RALGAPA1: variants seen among roughly 807,000 people sequenced by gnomAD.
RALGAPA1 encodes the protein ral GTPase-activating protein subunit alpha-1.
A neutral mutation model predicts 269.6 loss-of-function variants in RALGAPA1; 52 were observed. The ratio of observed to expected loss-of-function variants is 0.19; its 90% CI spans 0.15 to 0.24. The LOEUF (loss-of-function observed/expected upper bound fraction) is 0.24. Among genes scored for constraint, RALGAPA1 ranks in the 10% least tolerant of loss-of-function variants. RALGAPA1 has a pLI of 1.00. For missense variants in RALGAPA1, 1,917 were observed against 3,013.9 expected (o/e 0.64, Z 8.52); for synonymous variants, 817 against 1,008.3 (o/e 0.81, Z 3.60).
At chr14:35,639,167 T>C (rs2061849001) in intron 31 of RALGAPA1, among the ~76,000 whole-genome samples, 3 of 151,970 alleles carry the variant, frequency 2.0e-5, no homozygotes, top group African/African-American at 4.8e-5. Flanking sequence ...TCAGACAAAA[T>C]AGATTTCAAG....
rs117966247 is a variant in RALGAPA1, at chr14:35,712,524, T to C, written c.2266+9164A>G. ...TTAAATTTGTTATATTTATTATTTT[T>C]CTTAGACTGGAACTTGCTCTGTCAC... On this transcript the variant is annotated intron_variant, in intron 16 of 41. Transcript: ENST00000680220. Among the ~76,000 whole-genome samples the C allele has an allele frequency of 5.3e-5, 8 of 152,346 alleles. No homozygotes were observed. The East Asian group carries it at 1.5e-3, about 29-fold the overall frequency.
chr14:35,607,208 GAT>G (rs1277140193), intron 35 of RALGAPA1, among the ~76,000 whole-genome samples: 4 of 152,214 alleles, frequency 2.6e-5, no homozygotes, highest in Non-Finnish European at 4.4e-5. Context: ...CAGAGCTTTT[GAT>G]ATATGAATTA....
chr14:35,748,361 A>C, intron 10 of RALGAPA1: 6 of 318,352 alleles, frequency 1.9e-5, no homozygotes, highest in East Asian at 5.3e-5. Flanking sequence ...AATAATCAGT[A>C]ATTTCTCTCT....
At chr14:35,804,654 A>C (rs752605822) in intron 1 of RALGAPA1, among the ~76,000 whole-genome samples, 1 of 151,582 alleles carries the variant, frequency 6.6e-6, no homozygotes, top group African/African-American at 2.4e-5. Context: ...ATTAACAGTT[A>C]GGTACAGTGG....
intron 16 of RALGAPA1, among the ~76,000 whole-genome samples, chr14:35,706,026 A>G (rs902169089): frequency 2.0e-5 from 3 of 152,132 alleles, no homozygotes; most frequent in South Asian, 2.1e-4. Context: ...AGCTCTTTGT[A>G]TATTTTAGAA....
chr14:35,641,761 A>G (rs2062044209), intron 31 of RALGAPA1, among the ~76,000 whole-genome samples: 1 of 152,216 alleles, frequency 6.6e-6, no homozygotes, highest in Non-Finnish European at 1.5e-5. Context: ...TAAAATTTAT[A>G]TGCAACAATA....
At chr14:35,654,706 T>C (rs998823422) in intron 29 of RALGAPA1, among the ~76,000 whole-genome samples, 1 of 152,242 alleles carries the variant, frequency 6.6e-6, no homozygotes, top group African/African-American at 2.4e-5. Context: ...ATTAAAGTTT[T>C]GTTGCATTTT....
chr14:35,808,312 T>C (rs1162078815), intron 1 of RALGAPA1, among the ~76,000 whole-genome samples: 2 of 152,174 alleles, frequency 1.3e-5, no homozygotes, highest in Admixed American at 1.3e-4. Flanking sequence ...CTTGTCTTCA[T>C]CTGCCAAGAA....
chr14:35,569,684 C>T (rs1566707571), intron 39 of RALGAPA1, among the ~76,000 whole-genome samples: 1 of 152,066 alleles, frequency 6.6e-6, no homozygotes, highest in Non-Finnish European at 1.5e-5. Context: ...TTGGCTCTTC[C>T]ACCTGATTAA....
chr14:35,629,848 T>A (rs2061240365), intron 33 of RALGAPA1, among the ~76,000 whole-genome samples: 1 of 152,228 alleles, frequency 6.6e-6, no homozygotes, highest in Middle Eastern at 3.2e-3. Context: ...CAATTTTATG[T>A]GTTTAGTTTG....
intron 29 of RALGAPA1, among the ~76,000 whole-genome samples, chr14:35,655,130 AT>A (rs1411313578): frequency 6.6e-6 from 1 of 152,022 alleles, no homozygotes. Context: ...AGTATTTACA[AT>A]TTTTTCCTAT....
At chr14:35,718,973 G>A (rs1351900902) in intron 16 of RALGAPA1, among the ~76,000 whole-genome samples, 1 of 151,760 alleles carries the variant, frequency 6.6e-6, no homozygotes, top group Non-Finnish European at 1.5e-5. Flanking sequence ...CCAAGTAGCT[G>A]GCACTACGGG....
chr14:35,605,730 C>T, intron 35 of RALGAPA1, 21 bp from the exon 36 acceptor site: 2 of 1,599,268 alleles, frequency 1.3e-6, no homozygotes, highest in African/African-American at 1.3e-5. Context: ...AAAGATTACA[C>T]CATTAATTTA....
At chr14:35,630,826 G>A (rs1233940567) in intron 33 of RALGAPA1, among the ~76,000 whole-genome samples, 3 of 151,976 alleles carry the variant, frequency 2.0e-5, no homozygotes, top group East Asian at 1.9e-4. Context: ...AACTGAGATC[G>A]CGCCACTGCA....
intron 3 of RALGAPA1, among the ~76,000 whole-genome samples, chr14:35,772,472 C>T (rs1310700792): frequency 1.3e-5 from 2 of 152,092 alleles, no homozygotes; most frequent in Non-Finnish European, 2.9e-5. Flanking sequence ...TTTTATTTCC[C>T]TTAATATTAT....
intron 26 of RALGAPA1, among the ~76,000 whole-genome samples, chr14:35,670,784 G>A (rs1466518615): frequency 6.6e-6 from 1 of 152,090 alleles, no homozygotes; most frequent in Non-Finnish European, 1.5e-5. Flanking sequence ...TTAGCTGGGT[G>A]TGGTGGTGCC....
At chr14:35,604,823 A>G (rs995394786) in intron 36 of RALGAPA1, among the ~76,000 whole-genome samples, 1 of 152,114 alleles carries the variant, frequency 6.6e-6, no homozygotes, top group South Asian at 2.1e-4. Context: ...AACTGATCAC[A>G]AGCCAATTAC....
At chr14:35,540,302 A>T (rs2053851321) in intron 41 of RALGAPA1, among the ~76,000 whole-genome samples, 1 of 152,218 alleles carries the variant, frequency 6.6e-6, no homozygotes, top group Non-Finnish European at 1.5e-5. Flanking sequence ...TCTCCTCTGA[A>T]TGTCAGTTAA....
chr14:35,653,335 T>C (rs1186251423), intron 30 of RALGAPA1, among the ~76,000 whole-genome samples: 1 of 152,168 alleles, frequency 6.6e-6, no homozygotes, highest in East Asian at 1.9e-4. Context: ...GTTATAAAGA[T>C]AGGAAGATAA....
Sources: gnomAD v4.1 joint callset for allele counts (sites outside exome capture counted in the v4.1 genomes callset) on GRCh38, gnomAD v4.1.1 for gene constraint, MANE v1.5 for transcripts, NCBI Gene and HGNC (gene_info 2026-07-23, HGNC 2026-07-21) for gene names.